LCLAT1: variants seen among roughly 807,000 people sequenced by gnomAD.
The protein encoded by LCLAT1 is lysocardiolipin acyltransferase 1.
LCLAT1 carries 11 observed loss-of-function variants against 30.7 expected under a neutral mutation model. The observed-to-expected ratio is 0.36, with a 90% CI of 0.23 to 0.59. The LOEUF (loss-of-function observed/expected upper bound fraction) is 0.59, where lower values mean the gene tolerates loss of function less well. LCLAT1 is among the 20% of genes least tolerant of loss of function. The pLI is 0.77. For missense variants in LCLAT1, 402 were observed against 458.6 expected, an observed-to-expected ratio of 0.88 and a Z score of 1.13; for synonymous variants, 155 against 151.3, an observed-to-expected ratio of 1.02 and a Z score of -0.18.
chr2:30,590,640 A>G (rs185033707), intron 5 of LCLAT1, among the ~76,000 whole-genome samples: 27 of 151,656 alleles, frequency 1.8e-4, no homozygotes, highest in African/African-American at 6.0e-4. Flanking sequence ...TGGAAACTTG[A>G]CATTAAAACA....
At chr2:30,638,777 C>T (rs1209237589) in intron 5 of LCLAT1, among the ~76,000 whole-genome samples, 1 of 150,816 alleles carries the variant, frequency 6.6e-6, no homozygotes, top group East Asian at 1.9e-4. Context: ...TGCTCCTCCT[C>T]CCCATTCTCC....
chr2:30,554,896 CAG>C (rs1367081455), intron 3 of LCLAT1, among the ~76,000 whole-genome samples: 5 of 152,122 alleles, frequency 3.3e-5, no homozygotes, highest in Non-Finnish European at 7.4e-5. Context: ...TAACATCTAA[CAG>C]AACTTCCAGC....
intron 1 of LCLAT1, among the ~76,000 whole-genome samples, chr2:30,473,654 A>AT (rs1682907730): frequency 6.6e-6 from 1 of 152,182 alleles, no homozygotes; most frequent in African/African-American, 2.4e-5. Flanking sequence ...TACCAAAATT[A>AT]TTTTTTTAAA....
At chr2:30,512,684 A>G (rs1385998682) in intron 1 of LCLAT1, among the ~76,000 whole-genome samples, 1 of 152,234 alleles carries the variant, frequency 6.6e-6, no homozygotes, top group Admixed American at 6.5e-5. Flanking sequence ...AAATGGGATC[A>G]TGCCATCTAT....
chr2:30,449,776 A>G (rs1269206862), intron 1 of LCLAT1, among the ~76,000 whole-genome samples: 3 of 152,208 alleles, frequency 2.0e-5, no homozygotes, highest in African/African-American at 7.2e-5. Flanking sequence ...TTGGGATTAC[A>G]GGTGTGAGCC....
intron 1 of LCLAT1, among the ~76,000 whole-genome samples, chr2:30,461,535 A>G (rs1242412295): frequency 1.3e-5 from 2 of 152,042 alleles, no homozygotes; most frequent in East Asian, 3.9e-4. Flanking sequence ...GGCTGAGACT[A>G]CAGGTGTGTG....
chr2:30,519,760 G>C (rs1685382700), intron 1 of LCLAT1, among the ~76,000 whole-genome samples: 3 of 152,182 alleles, frequency 2.0e-5, no homozygotes, highest in South Asian at 2.1e-4. Context: ...ACCAGCAGTG[G>C]CAAGCACCTT....
chr2:30,448,998 C>T (rs1681408520), intron 1 of LCLAT1, among the ~76,000 whole-genome samples: 1 of 152,196 alleles, frequency 6.6e-6, no homozygotes, highest in African/African-American at 2.4e-5. Context: ...TGTACTCTGC[C>T]AGGCACTGAA....
chr2:30,497,381 G>A (rs1684169946), intron 1 of LCLAT1, among the ~76,000 whole-genome samples: 1 of 151,922 alleles, frequency 6.6e-6, no homozygotes, highest in African/African-American at 2.4e-5. Flanking sequence ...TTTTTTATCA[G>A]GATTCTAGGT....
At chr2:30,597,914 T>G (rs1338385647) in intron 5 of LCLAT1, among the ~76,000 whole-genome samples, 1 of 152,214 alleles carries the variant, frequency 6.6e-6, no homozygotes, top group East Asian at 1.9e-4. Context: ...CTATTTGTCC[T>G]TAGTTCTGTT....
At chr2:30,504,080 A>ATGTG (rs1684534396) in intron 1 of LCLAT1, among the ~76,000 whole-genome samples, 2 of 73,482 alleles carry the variant, frequency 2.7e-5, no homozygotes, top group African/African-American at 3.6e-5. Flanking sequence ...TAAGGGACTT[A>ATGTG]CGTGTGTGTG....
chr2:30,575,527 T>C (rs1421515128), intron 5 of LCLAT1, among the ~76,000 whole-genome samples: 1 of 152,144 alleles, frequency 6.6e-6, no homozygotes, highest in East Asian at 1.9e-4. Context: ...AGTCCTTTCA[T>C]TGCAACAGAG....
At chr2:30,535,286 CA>C in intron 3 of LCLAT1, among the ~76,000 whole-genome samples, 1 of 152,194 alleles carries the variant, frequency 6.6e-6, no homozygotes, top group African/African-American at 2.4e-5. Context: ...AAATAAATTC[CA>C]AAACATTCCC....
intron 2 of LCLAT1, among the ~76,000 whole-genome samples, chr2:30,528,057 G>C (rs1346819782): frequency 6.6e-6 from 1 of 152,108 alleles, no homozygotes; most frequent in Non-Finnish European, 1.5e-5. Context: ...GGTCAAGACT[G>C]GGTCACTGCC....
intron 5 of LCLAT1, 46 bp from the exon 6 acceptor site, chr2:30,640,071 A>G (rs199671433): frequency 2.0e-6 from 3 of 1,506,132 alleles, no homozygotes; most frequent in East Asian, 2.3e-5. Flanking sequence ...ATTATCACCC[A>G]AATTGAGCAC....
intron 1 of LCLAT1, among the ~76,000 whole-genome samples, chr2:30,450,208 T>G (rs1031246975): frequency 5.9e-5 from 9 of 152,062 alleles, no homozygotes; most frequent in Non-Finnish European, 8.8e-5. Context: ...TGAGAGCACA[T>G]AAAAGGGAAC....
chr2:30,528,503 G>A (rs1685836808), intron 2 of LCLAT1, among the ~76,000 whole-genome samples: 1 of 152,146 alleles, frequency 6.6e-6, no homozygotes. Flanking sequence ...TCTGCTGAGT[G>A]TGATTCTTGT....
chr2:30,621,402 C>T (rs917890792), intron 5 of LCLAT1, among the ~76,000 whole-genome samples: 7 of 152,018 alleles, frequency 4.6e-5, no homozygotes, highest in Non-Finnish European at 7.4e-5. Flanking sequence ...GAGATTAGTG[C>T]CCTTACAAGA....
At chr2:30,598,324 TTATTGGTC>T in intron 5 of LCLAT1, among the ~76,000 whole-genome samples, 1 of 152,184 alleles carries the variant, frequency 6.6e-6, no homozygotes, top group East Asian at 1.9e-4. Context: ...TCAGAACTCG[TTATTGGTC>T]TATTCAGGCA....
Sources: allele counts gnomAD v4.1 joint callset (sites outside exome capture counted in the v4.1 genomes callset), GRCh38; gene constraint gnomAD v4.1.1; transcripts MANE v1.5; gene names NCBI Gene and HGNC (gene_info 2026-07-23, HGNC 2026-07-21).